The following NPAS3 variants were observed in gnomAD, a reference collection of about 807,000 sequenced individuals.
NPAS3 encodes neuronal PAS domain-containing protein 3.
In NPAS3, 14 loss-of-function variants were observed where a neutral mutation model predicts 73.1. That is an observed-to-expected ratio of 0.19 (90% CI 0.13 to 0.30). The LOEUF (loss-of-function observed/expected upper bound fraction) is 0.30, where lower values mean the gene tolerates loss of function less well. NPAS3 is among the 10% of genes least tolerant of loss of function. NPAS3 has a pLI of 1.00. For synonymous variants in NPAS3, 620 were observed against 541.5 expected (o/e 1.14, Z -2.01); for missense variants, 1,096 against 1,250.0 (o/e 0.88, Z 1.86).
At chr14:33,255,454 AC>A (rs2048743664) in intron 3 of NPAS3, among the ~76,000 whole-genome samples, 1 of 152,156 alleles carries the variant, frequency 6.6e-6, no homozygotes, top group African/African-American at 2.4e-5. Flanking sequence ...AACCAGACCA[AC>A]CCGGACTAGA....
chr14:33,643,109 C>G (rs1185736213), intron 5 of NPAS3, among the ~76,000 whole-genome samples: 1 of 152,024 alleles, frequency 6.6e-6, no homozygotes, highest in Non-Finnish European at 1.5e-5. Flanking sequence ...CAATGCAGCC[C>G]TCGTGACTAG....
Position 33,440,115 on chromosome 14 carries a change from C to CA in NPAS3, c.468+72863dup, listed in dbSNP as rs368527118. Among the ~76,000 whole-genome samples the CA allele has an allele frequency of 5.0e-3, 554 of 110,070 alleles. 10 individuals are homozygous for CA. The highest frequency in any genetic ancestry group is 0.034 in the East Asian group (138 of 4,042). The allele number at this position is 110,070 out of a possible 152,430, so 72.2% of individuals were successfully genotyped here. On this transcript the variant is annotated intron_variant, in intron 4 of 11. Coordinates refer to ENST00000356141, the Ensembl canonical transcript of NPAS3. The stretch of plus-strand genomic sequence containing the variant: ...TGGGCAACAGAGTGACAGTCTGTCT[C>CA]AAAAAAAAAAAAAAAAGAAAAAAGA...
At chr14:33,019,687 T>C (rs1166456002) in intron 1 of NPAS3, among the ~76,000 whole-genome samples, 2 of 152,226 alleles carry the variant, frequency 1.3e-5, no homozygotes, top group Non-Finnish European at 2.9e-5. Flanking sequence ...GCAAGTCCTT[T>C]CATAGCATTC....
At chr14:32,957,725 A>G (rs1238886811) in intron 1 of NPAS3, among the ~76,000 whole-genome samples, 2 of 152,184 alleles carry the variant, frequency 1.3e-5, no homozygotes, top group Non-Finnish European at 2.9e-5. Flanking sequence ...TATTCTCTTA[A>G]CAATTTAGAA....
In NPAS3 at chr14:33,421,334, T is replaced by G. The variant is rs1386211820; in HGVS notation, c.468+54066T>G. Among the ~76,000 whole-genome samples, 3 of 151,906 alleles carry G rather than the reference T, an allele frequency of 2.0e-5. No individual in the cohort carries two copies. In the East Asian group the frequency reaches 5.8e-4, roughly 29 times the overall value. On this transcript the variant is annotated intron_variant, in intron 4 of 11. Transcript: ENST00000356141. ...GCCCATCACATTCATAGAATATCCTTAAGAGCTATTTTTCAACAAAGGAAT... is the reference window on the plus strand; with the variant it reads ...GCCCATCACATTCATAGAATATCCTGAAGAGCTATTTTTCAACAAAGGAAT...
intron 4 of NPAS3, among the ~76,000 whole-genome samples, chr14:33,382,670 G>C (rs1215275896): frequency 6.6e-6 from 1 of 152,300 alleles, no homozygotes; most frequent in Non-Finnish European, 1.5e-5. Context: ...TTAATGAAAT[G>C]TTGTATCCTT....
At chr14:33,345,961 G>A (rs1252683212) in intron 3 of NPAS3, among the ~76,000 whole-genome samples, 8 of 152,234 alleles carry the variant, frequency 5.3e-5, no homozygotes, top group South Asian at 2.1e-4. Flanking sequence ...GGCTGGGCAC[G>A]GTGGTTCATG....
intron 2 of NPAS3, among the ~76,000 whole-genome samples, chr14:33,063,726 G>A (rs1257331557): frequency 6.6e-6 from 1 of 152,160 alleles, no homozygotes; most frequent in Non-Finnish European, 1.5e-5. Flanking sequence ...GAAGTTTGCT[G>A]ACCTCCGCAT....
downstream of NPAS3, chr14:33,802,129 T>G (rs1459933249): frequency 6.6e-6 from 1 of 152,144 alleles, no homozygotes; most frequent in African/African-American, 2.4e-5. Context: ...TCAGTCTAAC[T>G]GAGGCTAATT....
chr14:33,109,729 G>C (rs1390260027), intron 2 of NPAS3, among the ~76,000 whole-genome samples: 1 of 146,874 alleles, frequency 6.8e-6, no homozygotes, highest in Admixed American at 6.8e-5. Flanking sequence ...CTTTAGCATT[G>C]TTTAGCAATA....
chr14:33,479,157 G>T lies in NPAS3; in HGVS notation c.469-80964G>T, dbSNP rs147635636. Among the ~76,000 whole-genome samples the T allele has an allele frequency of 2.0e-4, 30 of 152,300 alleles. 1 individual carries two copies. The highest frequency in any genetic ancestry group is 7.2e-4 in the African/African-American group (30 of 41,580). The stretch of plus-strand genomic sequence containing the variant: ...CCAATGCGCTTTAATATTTCTTTGT[G>T]CTAAGGTACCTCAGCTATTTCATTA... On this transcript the variant is annotated intron_variant, in intron 4 of 11. Coordinates refer to ENST00000356141, the Ensembl canonical transcript of NPAS3.
intron 5 of NPAS3, among the ~76,000 whole-genome samples, chr14:33,629,310 A>G (rs1326406958): frequency 1.3e-5 from 2 of 152,008 alleles, no homozygotes; most frequent in African/African-American, 2.4e-5. Context: ...TATCAGTGAT[A>G]TGTCAAGAAG....
chr14:33,661,097 GAAAA>G (rs11297345), intron 5 of NPAS3, among the ~76,000 whole-genome samples: 3 of 132,574 alleles, frequency 2.3e-5, no homozygotes, highest in Admixed American at 7.5e-5. Flanking sequence ...TCAGTAAAAG[GAAAA>G]AAAAAAAAAA....
chr14:32,958,279 A>G (rs1566798956), intron 1 of NPAS3, among the ~76,000 whole-genome samples: 1 of 152,088 alleles, frequency 6.6e-6, no homozygotes, highest in Non-Finnish European at 1.5e-5. Context: ...AACCCCATGA[A>G]CCTACCATTA....
intron 2 of NPAS3, among the ~76,000 whole-genome samples, chr14:33,176,301 TCAC>T (rs1214257279): frequency 3.3e-5 from 5 of 152,316 alleles, no homozygotes; most frequent in African/African-American, 1.2e-4. Flanking sequence ...TGTGCAGCCA[TCAC>T]CACTATTTTC....
intron 4 of NPAS3, among the ~76,000 whole-genome samples, chr14:33,514,101 C>G (rs1329870535): frequency 6.6e-6 from 1 of 152,054 alleles, no homozygotes; most frequent in Non-Finnish European, 1.5e-5. Context: ...CATGAGTTCA[C>G]TCACACAATT....
At chr14:33,300,289 A>G (rs1024810065) in intron 3 of NPAS3, among the ~76,000 whole-genome samples, 5 of 152,240 alleles carry the variant, frequency 3.3e-5, no homozygotes, top group African/African-American at 1.2e-4. Flanking sequence ...TGAGGTTTGC[A>G]AGCTGTGCTT....
chr14:33,739,930 C>T (rs1056331246), intron 7 of NPAS3, among the ~76,000 whole-genome samples: 1 of 152,166 alleles, frequency 6.6e-6, no homozygotes, highest in Non-Finnish European at 1.5e-5. Context: ...AAAACTCTTA[C>T]TCAACCAGTA....
intron 5 of NPAS3, among the ~76,000 whole-genome samples, chr14:33,575,850 A>C (rs9671904): frequency 0.018 from 2,732 of 152,302 alleles, 88 homozygotes; most frequent in African/African-American, 0.063. Context: ...TTAAGACCTT[A>C]AGAATGTGTA....
Sources: allele counts gnomAD v4.1 joint callset (sites outside exome capture counted in the v4.1 genomes callset), GRCh38; gene constraint gnomAD v4.1.1; transcripts MANE v1.5; gene names NCBI Gene and HGNC (gene_info 2026-07-23, HGNC 2026-07-21).